Variants in SND1 observed in about 807,000 individuals in gnomAD.
The protein encoded by SND1 is staphylococcal nuclease domain-containing protein 1.
A neutral mutation model predicts 121.7 loss-of-function variants in SND1; 38 were observed. The observed-to-expected ratio is 0.31, with a 90% CI of 0.24 to 0.41. SND1 has a LOEUF of 0.41. Among genes scored for constraint, SND1 ranks in the 10% least tolerant of loss-of-function variants. The probability of loss-of-function intolerance (pLI) is 1.00; values close to 1 mark genes in which losing one functional copy is unlikely to be tolerated. For missense variants in SND1, 868 were observed against 1,184.6 expected (o/e 0.73, Z 3.92); for synonymous variants, 401 against 447.4 (o/e 0.90, Z 1.31).
intron 10 of SND1, among the ~76,000 whole-genome samples, chr7:127,759,057 A>AATAGATAGATAGATAG (rs1289095272): frequency 0.04 from 5,778 of 145,438 alleles, 150 homozygotes; most frequent in South Asian, 0.051. Context: ...CTGTCTCAAA[A>AATAGATAGATAGATAG]ATAGATAGAT....
intron 1 of SND1, among the ~76,000 whole-genome samples, chr7:127,652,859 G>A (rs1024334915): frequency 1.3e-5 from 2 of 152,066 alleles, no homozygotes; most frequent in Non-Finnish European, 2.9e-5. Context: ...CTAGTACTTG[G>A]CCATCATGAA....
chr7:127,906,384 T>C (rs1395594161), intron 14 of SND1, among the ~76,000 whole-genome samples: 1 of 152,210 alleles, frequency 6.6e-6, no homozygotes, highest in Non-Finnish European at 1.5e-5. Flanking sequence ...GAGTTATTCT[T>C]TGCATATATA....
At chr7:127,871,507 C>T (rs1044422788) in intron 12 of SND1, among the ~76,000 whole-genome samples, 6 of 152,128 alleles carry the variant, frequency 3.9e-5, no homozygotes, top group African/African-American at 1.2e-4. Flanking sequence ...TGGGATCCAC[C>T]TGCGTATATG....
chr7:127,725,194 G>A (rs1046046678), intron 10 of SND1, among the ~76,000 whole-genome samples: 7 of 152,134 alleles, frequency 4.6e-5, no homozygotes, highest in Non-Finnish European at 7.3e-5. Flanking sequence ...GCATCCTCTC[G>A]GAGTCTTAGG....
intron 11 of SND1, among the ~76,000 whole-genome samples, chr7:127,832,530 A>T (rs1369526365): frequency 1.3e-5 from 2 of 152,226 alleles, no homozygotes; most frequent in Non-Finnish European, 2.9e-5. Flanking sequence ...CACGTGATAG[A>T]TCTCTAAGGC....
At chr7:127,988,281 AG>A (rs1162806197) in intron 15 of SND1, among the ~76,000 whole-genome samples, 1 of 152,178 alleles carries the variant, frequency 6.6e-6, no homozygotes, top group Non-Finnish European at 1.5e-5. Context: ...GTCTGGGAAT[AG>A]ATTCTGCCTC....
At chr7:127,814,699 T>G (rs1798397989) in intron 11 of SND1, among the ~76,000 whole-genome samples, 2 of 152,148 alleles carry the variant, frequency 1.3e-5, no homozygotes, top group Non-Finnish European at 2.9e-5. Flanking sequence ...AGCACCAACA[T>G]TCCAGGGTTT....
At chr7:127,735,489 G>T (rs774391602) in intron 10 of SND1, among the ~76,000 whole-genome samples, 3 of 152,138 alleles carry the variant, frequency 2.0e-5, no homozygotes, top group Non-Finnish European at 4.4e-5. Flanking sequence ...GAGAGAGGAG[G>T]ATTGCTTCAG....
chr7:127,791,249 A>T (rs114271339), intron 10 of SND1, among the ~76,000 whole-genome samples: 1 of 150,728 alleles, frequency 6.6e-6, no homozygotes, highest in East Asian at 2.0e-4. Flanking sequence ...CCTGGACTCA[A>T]GCAGTTCTCC....
At chr7:127,761,437 CAGTT>C (rs1797304634) in intron 10 of SND1, among the ~76,000 whole-genome samples, 1 of 151,168 alleles carries the variant, frequency 6.6e-6, no homozygotes, top group African/African-American at 2.4e-5. Flanking sequence ...TTTACCCCCT[CAGTT>C]AGCTGAGAAA....
At chr7:127,837,104 T>C (rs1003491632) in intron 11 of SND1, among the ~76,000 whole-genome samples, 1 of 152,218 alleles carries the variant, frequency 6.6e-6, no homozygotes, top group Non-Finnish European at 1.5e-5. Flanking sequence ...ATTTTTTTCA[T>C]ATTTGGTTTA....
At chr7:127,784,090 A>G (rs1486230346) in intron 10 of SND1, among the ~76,000 whole-genome samples, 2 of 152,222 alleles carry the variant, frequency 1.3e-5, no homozygotes, top group Admixed American at 6.5e-5. Context: ...CTTTGTATGT[A>G]TTAACTGATT....
intron 1 of SND1, among the ~76,000 whole-genome samples, chr7:127,676,373 A>G (rs1456233130): frequency 6.6e-6 from 1 of 152,166 alleles, no homozygotes; most frequent in Non-Finnish European, 1.5e-5. Context: ...AATAACCCAG[A>G]GGAGATAGTG....
chr7:127,977,745 A>G (rs1050664153), intron 15 of SND1, among the ~76,000 whole-genome samples: 3 of 152,202 alleles, frequency 2.0e-5, no homozygotes, highest in Admixed American at 1.3e-4. Flanking sequence ...ACAAGTGACA[A>G]GAGCCTGACA....
At chr7:127,953,411 A>G (rs1188132223) in intron 15 of SND1, among the ~76,000 whole-genome samples, 1 of 151,636 alleles carries the variant, frequency 6.6e-6, no homozygotes, top group Non-Finnish European at 1.5e-5. Context: ...TTTTACTTTC[A>G]ATCTCTTTTC....
At chr7:127,961,998 A>C (rs1285155228) in intron 15 of SND1, among the ~76,000 whole-genome samples, 4 of 152,184 alleles carry the variant, frequency 2.6e-5, no homozygotes, top group Non-Finnish European at 5.9e-5. Flanking sequence ...TAAGTATCCT[A>C]AGATCATATT....
At chr7:128,087,103 C>A (rs748493158) in intron 21 of SND1, 52 bp downstream of exon 21, 1 of 1,395,054 alleles carries the variant, frequency 7.2e-7, no homozygotes, top group Non-Finnish European at 1.0e-6. Context: ...TGACACTTAG[C>A]CGCTGCAGCA....
intron 16 of SND1, chr7:128,030,227 G>A (rs764950668): frequency 4.3e-6 from 7 of 1,614,114 alleles, no homozygotes; most frequent in African/African-American, 4.0e-5. Flanking sequence ...CCCCGCTAGG[G>A]ATGACTGTCA....
At chr7:127,785,383 T>TC (rs2116528487) in intron 10 of SND1, among the ~76,000 whole-genome samples, 1 of 152,344 alleles carries the variant, frequency 6.6e-6, no homozygotes, top group African/African-American at 2.4e-5. Context: ...ACAGAAGTGA[T>TC]ATTGATTCAT....
Sources: allele counts gnomAD v4.1 joint callset (sites outside exome capture counted in the v4.1 genomes callset), GRCh38; gene constraint gnomAD v4.1.1; transcripts MANE v1.5; gene names NCBI Gene and HGNC (gene_info 2026-07-23, HGNC 2026-07-21).